Variants in SYT1 observed in about 807,000 individuals in gnomAD.
The protein encoded by SYT1 is synaptotagmin-1.
In SYT1, 8 loss-of-function variants were observed where a neutral mutation model predicts 44.8. The ratio of observed to expected loss-of-function variants is 0.18; its 90% confidence interval spans 0.10 to 0.32. SYT1 has a LOEUF of 0.32. SYT1 is among the 10% of genes least tolerant of loss of function. SYT1 has a pLI of 1.00. For missense variants in SYT1, 286 were observed against 509.3 expected, an observed-to-expected ratio of 0.56 and a Z score of 4.22; for synonymous variants, 154 against 188.8, an observed-to-expected ratio of 0.82 and a Z score of 1.51.
At chr12:79,243,345 A>T (rs1022887391) in intron 4 of SYT1, among the ~76,000 whole-genome samples, 3 of 152,154 alleles carry the variant, frequency 2.0e-5, no homozygotes, top group African/African-American at 7.2e-5. Context: ...GCTTTCTCAC[A>T]TTTCAGTGTC....
At chr12:79,341,536 C>G (rs1191660289) in intron 8 of SYT1, 1 of 152,062 alleles carries the variant, frequency 6.6e-6, no homozygotes, top group Non-Finnish European at 1.5e-5. Flanking sequence ...CCACATCTAA[C>G]TACAAGAAAG....
At chr12:79,254,717 A>G (rs913720355) in intron 4 of SYT1, among the ~76,000 whole-genome samples, 25 of 152,220 alleles carry the variant, frequency 1.6e-4, no homozygotes, top group Non-Finnish European at 2.8e-4. Context: ...ATAGGAGGTC[A>G]AAATATCAAC....
At chr12:78,927,199 A>T (rs1018595575) in intron 1 of SYT1, among the ~76,000 whole-genome samples, 2 of 151,786 alleles carry the variant, frequency 1.3e-5, no homozygotes, top group African/African-American at 4.8e-5. Context: ...CCTCTTTAAG[A>T]TCTCCTTCTT....
chr12:79,341,122 G>A (rs2139047586), intron 8 of SYT1: 1 of 152,262 alleles, frequency 6.6e-6, no homozygotes, highest in Admixed American at 6.5e-5. Flanking sequence ...ATAAGGGTTT[G>A]ACATATAAGA....
intron 2 of SYT1, among the ~76,000 whole-genome samples, chr12:79,032,056 G>A (rs985616446): frequency 1.3e-5 from 2 of 151,146 alleles, no homozygotes; most frequent in African/African-American, 4.8e-5. Context: ...AAAGTCAGGA[G>A]CATAGCTAGT....
chr12:79,135,430 A>G (rs1869128835), intron 3 of SYT1, among the ~76,000 whole-genome samples: 1 of 152,180 alleles, frequency 6.6e-6, no homozygotes, highest in African/African-American at 2.4e-5. Flanking sequence ...CCTGCTAGTC[A>G]ATGCATTTAT....
At chr12:79,439,755 T>C (rs1181573834) in intron 9 of SYT1, among the ~76,000 whole-genome samples, 1 of 151,920 alleles carries the variant, frequency 6.6e-6, no homozygotes, top group African/African-American at 2.4e-5. Flanking sequence ...CACAAAGAGG[T>C]GAAATAACTT....
intron 4 of SYT1, among the ~76,000 whole-genome samples, chr12:79,218,706 A>AT (rs1362178109): frequency 6.6e-6 from 1 of 152,094 alleles, no homozygotes; most frequent in East Asian, 1.9e-4. Context: ...CCACGATTTC[A>AT]TTTTTTTATA....
intron 1 of SYT1, among the ~76,000 whole-genome samples, chr12:78,867,450 G>A (rs914780874): frequency 6.6e-6 from 1 of 152,004 alleles, no homozygotes; most frequent in Non-Finnish European, 1.5e-5. Flanking sequence ...ATAGTGAGTG[G>A]ATTGGGGAGA....
chr12:78,910,434 A>T (rs1290671119), intron 1 of SYT1, among the ~76,000 whole-genome samples: 1 of 151,988 alleles, frequency 6.6e-6, no homozygotes, highest in Admixed American at 6.6e-5. Context: ...GACTCAAATA[A>T]TAAAAAGGCT....
chr12:79,007,433 T>C (rs756385603), intron 2 of SYT1, among the ~76,000 whole-genome samples: 4 of 152,154 alleles, frequency 2.6e-5, no homozygotes, highest in Non-Finnish European at 5.9e-5. Flanking sequence ...GATTATTGTA[T>C]TTTTTTGTAG....
chr12:78,912,002 C>T (rs76836672), intron 1 of SYT1, among the ~76,000 whole-genome samples: 4,146 of 151,950 alleles, frequency 0.027, 128 homozygotes, highest in African/African-American at 0.074. Context: ...TTGATGACAT[C>T]GTGTCTGACT....
intron 3 of SYT1, among the ~76,000 whole-genome samples, chr12:79,205,274 A>G (rs921019174): frequency 1.3e-5 from 2 of 152,062 alleles, no homozygotes; most frequent in African/African-American, 4.8e-5. Flanking sequence ...CTGTTGCAAC[A>G]TTTTTTAAAA....
rs1409212482 is a variant in SYT1, at chr12:79,192,139, T to TAAG, written c.-17-25364_-17-25363insAAG. Among the ~76,000 whole-genome samples the TAAG allele has an allele frequency of 2.0e-5, 3 of 152,128 alleles. No individual in the cohort carries two copies. In the East Asian group the frequency reaches 5.8e-4, roughly 29 times the overall value. ...AGCGTGCAAGTAAAAAGGAAAGAGA[T>TAAG]TGAAGGTCTAAGAATGTCAGAAATA... On this transcript the variant is annotated intron_variant, in intron 3 of 10. Transcript: ENST00000261205.
At chr12:79,385,046 G>T (rs542112699) in intron 9 of SYT1, among the ~76,000 whole-genome samples, 3 of 140,158 alleles carry the variant, frequency 2.1e-5, no homozygotes, top group South Asian at 2.3e-4. Context: ...GAGTGCAATG[G>T]CATGATCTCA....
intron 8 of SYT1, among the ~76,000 whole-genome samples, chr12:79,303,478 T>C (rs987630193): frequency 6.6e-6 from 1 of 152,132 alleles, no homozygotes; most frequent in Non-Finnish European, 1.5e-5. Context: ...TATTGTTTTG[T>C]TTCCATTAGA....
chr12:78,872,384 G>A (rs1283599080), intron 1 of SYT1, among the ~76,000 whole-genome samples: 1 of 151,704 alleles, frequency 6.6e-6, no homozygotes, highest in Non-Finnish European at 1.5e-5. Flanking sequence ...ATGCCTTTGA[G>A]AATCTGTTTC....
rs1399605705 is a variant in SYT1 at position 79,368,959 on chromosome 12, A to G, written c.928+15340A>G. 2.6e-5 allele frequency among the ~76,000 whole-genome samples: 4 copies of G among 152,310 alleles called. No homozygotes were observed. The East Asian group carries it at 5.8e-4, about 22-fold the overall frequency. ...TGCCATTGCTTTTGGTGTTTTAGAC[A>G]TGAAGTCCTTGCCCATGCCTATGTC... is the stretch of plus-strand genomic sequence containing the variant. On this transcript the variant is annotated intron_variant, in intron 9 of 10. Coordinates refer to ENST00000261205, the MANE Select transcript of SYT1 (RefSeq NM_005639.3).
chr12:79,216,034 C>T (rs1027251499), intron 3 of SYT1, among the ~76,000 whole-genome samples: 4 of 138,066 alleles, frequency 2.9e-5, no homozygotes, highest in Non-Finnish European at 6.0e-5. Flanking sequence ...CGGGTTCAAG[C>T]TATTCTCCTG....
Sources: gnomAD v4.1 joint callset for allele counts (sites outside exome capture counted in the v4.1 genomes callset) on GRCh38, gnomAD v4.1.1 for gene constraint, MANE v1.5 for transcripts, NCBI Gene and HGNC (gene_info 2026-07-23, HGNC 2026-07-21) for gene names.